RERE: variants seen among roughly 807,000 people sequenced by gnomAD.
RERE encodes the protein arginine-glutamic acid dipeptide repeats.
RERE carries 40 observed loss-of-function variants against 146.1 expected under a neutral mutation model. That is an observed-to-expected ratio of 0.27 (90% CI 0.21 to 0.36). The LOEUF (loss-of-function observed/expected upper bound fraction) is 0.36, where lower values mean the gene tolerates loss of function less well. Ranked by LOEUF, RERE falls within the 10% of genes least tolerant of loss-of-function variation. The pLI is 1.00. For synonymous variants in RERE, 1,003 were observed against 866.0 expected (o/e 1.16, Z -2.78); for missense variants, 1,933 against 2,138.7 (o/e 0.90, Z 1.90).
At chr1:8,648,063 G>T (rs74913084) in intron 2 of RERE, among the ~76,000 whole-genome samples, 17 of 152,196 alleles carry the variant, frequency 1.1e-4, no homozygotes, top group African/African-American at 4.1e-4. Flanking sequence ...ACGTAACATG[G>T]CCAGAACCTG....
intron 1 of RERE, among the ~76,000 whole-genome samples, chr1:8,814,622 G>A (rs959940818): frequency 1.4e-4 from 22 of 151,962 alleles, no homozygotes; most frequent in Admixed American, 3.9e-4. Flanking sequence ...CCCTCTACCT[G>A]GTTTAAATCC....
At chr1:8,754,477 G>A (rs1170371365) in intron 1 of RERE, among the ~76,000 whole-genome samples, 2 of 152,172 alleles carry the variant, frequency 1.3e-5, no homozygotes, top group African/African-American at 4.8e-5. Context: ...ATTTGTTCTT[G>A]CCTTAGCACA....
At chr1:8,404,202 G>A (rs2124446345) in intron 12 of RERE, among the ~76,000 whole-genome samples, 1 of 152,206 alleles carries the variant, frequency 6.6e-6, no homozygotes, top group Admixed American at 6.5e-5. Context: ...GGCTGAGGTG[G>A]GTGAATCACA....
intron 2 of RERE, among the ~76,000 whole-genome samples, chr1:8,647,807 G>A (rs1324957949): frequency 1.3e-5 from 2 of 152,100 alleles, no homozygotes; most frequent in Non-Finnish European, 2.9e-5. Flanking sequence ...ACCACTTGCA[G>A]CCTCCACAGA....
At chr1:8,501,019 ACCCCG>A (rs1557660873) in intron 8 of RERE, among the ~76,000 whole-genome samples, 6 of 31,206 alleles carry the variant, frequency 1.9e-4, no homozygotes, top group South Asian at 1.6e-3. Context: ...CCCGGCAGCC[ACCCCG>A]TCCGGGAGGG....
intron 1 of RERE, among the ~76,000 whole-genome samples, chr1:8,763,469 C>T (rs190998278): frequency 6.6e-6 from 1 of 151,964 alleles, no homozygotes; most frequent in African/African-American, 2.4e-5. Flanking sequence ...CCCGTCTCAA[C>T]TAAAAACACA....
chr1:8,385,823 G>A (rs2124414935), intron 12 of RERE, among the ~76,000 whole-genome samples: 1 of 149,618 alleles, frequency 6.7e-6, no homozygotes, highest in Non-Finnish European at 1.5e-5. Context: ...AAAAAAATTA[G>A]CTGGACGTGG....
rs964797721 is a variant in RERE at position 8,786,262 on chromosome 1, C to A, written c.-145+30898G>T. On this transcript the variant is annotated intron_variant, in intron 1 of 22. Coordinates refer to ENST00000400908, the MANE Select transcript of RERE (RefSeq NM_001042681.2). ...CTGTTGCCAGCATCTCCACCTTCTA[C>A]AAAATGGGTGGTTTTTCTTCATTCT... The A allele has an allele frequency of 7.0e-6, 7 of 995,812 alleles. No individual in the cohort carries two copies. The Admixed American group carries it at 8.7e-5, about 12-fold the overall frequency. The allele number at this position is 995,812 out of a possible 1,614,324, so 61.7% of individuals were successfully genotyped here.
At chr1:8,392,279 T>G (rs1463036147) in intron 12 of RERE, among the ~76,000 whole-genome samples, 2 of 152,186 alleles carry the variant, frequency 1.3e-5, no homozygotes, top group African/African-American at 4.8e-5. Flanking sequence ...ACAGAGGGCA[T>G]TTGTAAGAAA....
chr1:8,376,578 C>G (rs1263991805), intron 12 of RERE, among the ~76,000 whole-genome samples: 1 of 152,206 alleles, frequency 6.6e-6, no homozygotes, highest in African/African-American at 2.4e-5. Flanking sequence ...CTTACCATAC[C>G]TCACACCACC....
At chr1:8,444,757 C>CCCA (rs1557635495) in intron 11 of RERE, among the ~76,000 whole-genome samples, 1 of 151,774 alleles carries the variant, frequency 6.6e-6, no homozygotes. Flanking sequence ...GTGTAGCAGC[C>CCCA]CCACCCCCTT....
chr1:8,787,174 CA>C (rs1039381065), intron 1 of RERE, among the ~76,000 whole-genome samples: 2 of 152,186 alleles, frequency 1.3e-5, no homozygotes, highest in Admixed American at 1.3e-4. Flanking sequence ...GTTCCTTGAC[CA>C]AACCAGCAGG....
At chr1:8,736,484 G>C (rs1209735557) in intron 1 of RERE, among the ~76,000 whole-genome samples, 2 of 152,138 alleles carry the variant, frequency 1.3e-5, no homozygotes, top group African/African-American at 2.4e-5. Context: ...TTGGATTACA[G>C]GTGTGAGCCA....
chr1:8,532,024 A>G (rs1017310488), intron 7 of RERE, among the ~76,000 whole-genome samples: 2 of 152,254 alleles, frequency 1.3e-5, no homozygotes, highest in Non-Finnish European at 2.9e-5. Context: ...GCCTGTATCA[A>G]AACATCTCAT....
intron 1 of RERE, among the ~76,000 whole-genome samples, chr1:8,772,947 C>T (rs1285652718): frequency 1.3e-5 from 2 of 152,212 alleles, no homozygotes; most frequent in South Asian, 2.1e-4. Context: ...ATTAGCCAGG[C>T]TTGGTGGCAC....
chr1:8,664,773 TC>T (rs1365768274), intron 1 of RERE, among the ~76,000 whole-genome samples: 2 of 152,106 alleles, frequency 1.3e-5, no homozygotes, highest in African/African-American at 4.8e-5. Context: ...ACATCACAAA[TC>T]TTAGTTCAAT....
At chr1:8,440,499 G>A (rs1172219103) in intron 11 of RERE, among the ~76,000 whole-genome samples, 1 of 151,574 alleles carries the variant, frequency 6.6e-6, no homozygotes, top group South Asian at 2.1e-4. Flanking sequence ...GCTGAGGCAG[G>A]AGAATCACTT....
intron 7 of RERE, among the ~76,000 whole-genome samples, chr1:8,537,733 G>C (rs1570408059): frequency 6.6e-6 from 1 of 152,032 alleles, no homozygotes; most frequent in Non-Finnish European, 1.5e-5. Context: ...ACAAATTCTA[G>C]AGTACAGAAC....
intron 12 of RERE, among the ~76,000 whole-genome samples, chr1:8,368,541 AGGGACCAAAAAC>A (rs1641910628): frequency 6.6e-6 from 1 of 151,772 alleles, no homozygotes; most frequent in Non-Finnish European, 1.5e-5. Flanking sequence ...ACGAGACAAA[AGGGACCAAAAAC>A]GGGAGAGAAA....
Sources: allele counts gnomAD v4.1 joint callset (sites outside exome capture counted in the v4.1 genomes callset), GRCh38; gene constraint gnomAD v4.1.1; transcripts MANE v1.5; gene names NCBI Gene and HGNC (gene_info 2026-07-23, HGNC 2026-07-21).